ASTN2: variants seen among roughly 807,000 people sequenced by gnomAD.
The protein encoded by ASTN2 is astrotactin-2.
Under a neutral mutation model 139.8 loss-of-function variants are expected in ASTN2, and 54 were observed. That is an observed-to-expected ratio of 0.39 (90% CI 0.31 to 0.48). The LOEUF (loss-of-function observed/expected upper bound fraction) is 0.48. ASTN2 is among the 20% of genes least tolerant of loss of function. The pLI is 0.95. For missense variants in ASTN2, 1,565 were observed against 1,725.1 expected (o/e 0.91, Z 1.64); for synonymous variants, 756 against 719.5 (o/e 1.05, Z -0.81).
At chr9:117,326,286 A>G (rs879727382) in intron 1 of ASTN2, among the ~76,000 whole-genome samples, 1 of 152,124 alleles carries the variant, frequency 6.6e-6, no homozygotes, top group Non-Finnish European at 1.5e-5. Flanking sequence ...TTTTATAGAC[A>G]TGGAAATGAA....
intron 19 of ASTN2, among the ~76,000 whole-genome samples, chr9:116,508,621 C>T (rs1850217415): frequency 6.6e-6 from 1 of 152,108 alleles, no homozygotes; most frequent in Non-Finnish European, 1.5e-5. Flanking sequence ...CTTACAACAG[C>T]ACTTCAGCGC....
intron 13 of ASTN2, among the ~76,000 whole-genome samples, chr9:116,789,958 C>G (rs1443748069): frequency 2.5e-5 from 3 of 119,420 alleles, no homozygotes; most frequent in African/African-American, 9.8e-5. Context: ...TAGAGTCTTA[C>G]TCTGTCACCC....
At chr9:117,215,384 T>C (rs933618137) in intron 2 of ASTN2, among the ~76,000 whole-genome samples, 2 of 151,754 alleles carry the variant, frequency 1.3e-5, no homozygotes, top group African/African-American at 2.4e-5. Flanking sequence ...TGGGACAAAG[T>C]AGGTCCTTAA....
At chr9:117,330,611 C>T (rs1281632316) in intron 1 of ASTN2, among the ~76,000 whole-genome samples, 3 of 152,082 alleles carry the variant, frequency 2.0e-5, no homozygotes, top group Non-Finnish European at 4.4e-5. Flanking sequence ...TCCCCACCTA[C>T]CCCTTCCTCT....
intron 1 of ASTN2, among the ~76,000 whole-genome samples, chr9:117,392,890 C>T (rs1830579013): frequency 6.6e-6 from 1 of 152,156 alleles, no homozygotes; most frequent in African/African-American, 2.4e-5. Context: ...AGGAATAAGA[C>T]ACTCAGGTCT....
intron 10 of ASTN2, among the ~76,000 whole-genome samples, chr9:116,910,247 G>T (rs573878909): frequency 6.6e-6 from 1 of 152,132 alleles, no homozygotes; most frequent in Non-Finnish European, 1.5e-5. Flanking sequence ...ATGACAAATC[G>T]ACAGCACTTT....
intron 19 of ASTN2, among the ~76,000 whole-genome samples, chr9:116,532,824 C>T (rs983498890): frequency 1.3e-5 from 2 of 151,968 alleles, no homozygotes; most frequent in African/African-American, 2.4e-5. Flanking sequence ...CTTTTTGCTT[C>T]AGGTTGTCTT....
At chr9:116,517,009 C>G (rs1049606452) in intron 19 of ASTN2, among the ~76,000 whole-genome samples, 1 of 152,178 alleles carries the variant, frequency 6.6e-6, no homozygotes, top group Non-Finnish European at 1.5e-5. Flanking sequence ...ATCCCTGCCC[C>G]CACCTGGTGT....
intron 4 of ASTN2, among the ~76,000 whole-genome samples, chr9:117,140,529 A>C (rs921980821): frequency 1.3e-5 from 2 of 152,014 alleles, no homozygotes; most frequent in African/African-American, 4.8e-5. Flanking sequence ...AGATGGTAGA[A>C]GAAGAAAGAA....
intron 6 of ASTN2, among the ~76,000 whole-genome samples, chr9:117,027,544 C>T (rs73519347): frequency 0.049 from 7,395 of 152,132 alleles, 535 homozygotes; most frequent in African/African-American, 0.15. Context: ...CCCTTCTTGT[C>T]CTCCCTCTCT....
chr9:117,337,462 A>G (rs1828922824), intron 1 of ASTN2, among the ~76,000 whole-genome samples: 1 of 152,208 alleles, frequency 6.6e-6, no homozygotes, highest in Non-Finnish European at 1.5e-5. Context: ...GTATGTGATT[A>G]TGCCTGGCAT....
At chr9:116,642,428 C>T (rs1338510614) in intron 17 of ASTN2, among the ~76,000 whole-genome samples, 1 of 152,116 alleles carries the variant, frequency 6.6e-6, no homozygotes, top group Non-Finnish European at 1.5e-5. Context: ...CTGCTTTGCT[C>T]CTCAGGGTAT....
intron 1 of ASTN2, among the ~76,000 whole-genome samples, chr9:117,393,549 T>A (rs1401382291): frequency 6.6e-6 from 1 of 152,198 alleles, no homozygotes; most frequent in Non-Finnish European, 1.5e-5. Flanking sequence ...GGAGAGCCTC[T>A]TGCATTCCAT....
intron 10 of ASTN2, among the ~76,000 whole-genome samples, chr9:116,946,936 C>CAAAAAAAAAAAAAAAAAAAAAAAA (rs3983292): frequency 4.8e-4 from 62 of 127,884 alleles, no homozygotes; most frequent in African/African-American, 1.8e-3. Context: ...ACATTTTTGT[C>CAAAAAAAAAAAAAAAAAAAAAAAA]AAAAAAAAAA....
intron 5 of ASTN2, among the ~76,000 whole-genome samples, chr9:117,065,973 T>C (rs530893465): frequency 2.8e-4 from 42 of 152,128 alleles, no homozygotes; most frequent in Admixed American, 4.6e-4. Flanking sequence ...GCATGTAATA[T>C]GGTCAATTAC....
At chr9:117,003,754 C>G (rs1014936836) in intron 7 of ASTN2, among the ~76,000 whole-genome samples, 1 of 151,664 alleles carries the variant, frequency 6.6e-6, no homozygotes, top group Non-Finnish European at 1.5e-5. Context: ...CACCACTTGT[C>G]TACTGGGCTT....
intron 10 of ASTN2, among the ~76,000 whole-genome samples, chr9:116,941,481 C>T (rs1835227617): frequency 6.6e-6 from 1 of 151,900 alleles, no homozygotes; most frequent in Non-Finnish European, 1.5e-5. Context: ...GCAGGAGAAT[C>T]CCCTCTTACT....
chr9:116,606,150 T>G (rs1308696135), intron 19 of ASTN2, among the ~76,000 whole-genome samples: 1 of 152,136 alleles, frequency 6.6e-6, no homozygotes, highest in South Asian at 2.1e-4. Context: ...GATGACAGAT[T>G]AGCGTGCGGG....
At chr9:116,666,130 A>C (rs1373613859) in intron 16 of ASTN2, among the ~76,000 whole-genome samples, 1 of 152,210 alleles carries the variant, frequency 6.6e-6, no homozygotes, top group Non-Finnish European at 1.5e-5. Flanking sequence ...TGCTAGGAGA[A>C]AGGCTAATGA....
Sources: allele counts gnomAD v4.1 joint callset (sites outside exome capture counted in the v4.1 genomes callset), GRCh38; gene constraint gnomAD v4.1.1; transcripts MANE v1.5; gene names NCBI Gene and HGNC (gene_info 2026-07-23, HGNC 2026-07-21).